The following OPA3 variants were observed in gnomAD, a reference collection of about 807,000 sequenced individuals.
OPA3 encodes the protein outer mitochondrial membrane lipid metabolism regulator OPA3, also known as optic atrophy 3 protein.
In OPA3, 6 loss-of-function variants were observed where a neutral mutation model predicts 4.0. The observed-to-expected ratio is 1.51, with a 90% CI of 0.83 to 2.99. The LOEUF is 2.99. Ranked by LOEUF, OPA3 falls within the 30% of genes most tolerant of loss-of-function variation. OPA3 has a pLI of 0.00. For synonymous variants in OPA3, 105 were observed against 117.1 expected (o/e 0.90, Z 0.67); for missense variants, 235 against 256.2 (o/e 0.92, Z 0.56).
chr19:45,576,167 G>C (rs1380588592), intron 1 of OPA3, among the ~76,000 whole-genome samples: 1 of 152,040 alleles, frequency 6.6e-6, no homozygotes, highest in African/African-American at 2.4e-5. Flanking sequence ...AGGTTGCAGG[G>C]AGCTGAGATC....
chr19:45,538,722 C>CAA (rs3038837), intron 1 of OPA3, among the ~76,000 whole-genome samples: 20,229 of 105,654 alleles, frequency 0.19, 1,495 homozygotes, highest in African/African-American at 0.27. Flanking sequence ...GACTCCGTCT[C>CAA]AAAAAAAAAA....
chr19:45,572,728 TATC>T (rs1331703503), intron 1 of OPA3, among the ~76,000 whole-genome samples: 3 of 141,792 alleles, frequency 2.1e-5, no homozygotes, highest in Non-Finnish European at 4.5e-5. Context: ...TATACCTATA[TATC>T]ATACTATATA....
In OPA3 at chr19:45,548,008, C is replaced by T; in HGVS notation, c.*5506G>A. Reference sequence around the variant, plus strand: ...CACCACGCCTGGCCACTCTTTCCTTCTTTATTGCCGGTCTCTGGCACTAGA... The same window carrying T: ...CACCACGCCTGGCCACTCTTTCCTTTTTTATTGCCGGTCTCTGGCACTAGA... On this transcript the variant is annotated 3_prime_UTR_variant, in exon 2 of 2. Coordinates refer to ENST00000263275, the MANE Select transcript of OPA3 (RefSeq NM_025136.4). The T allele has an allele frequency of 1.5e-6, 1 of 648,268 alleles. No individual in the cohort carries two copies. The highest frequency in any genetic ancestry group is 6.8e-5 in the South Asian group (1 of 14,802). 40.2% of individuals were successfully genotyped at this position (648,268 alleles called of 1,614,324 possible). A position where few individuals can be genotyped will look rare whatever the true frequency, so the allele number is the denominator to read the frequency against.
chr19:45,540,618 C>T (rs1969175186), intron 1 of OPA3, among the ~76,000 whole-genome samples: 1 of 149,848 alleles, frequency 6.7e-6, no homozygotes, highest in Non-Finnish European at 1.5e-5. Flanking sequence ...CTAATCCCAG[C>T]ACTTTGGGAG....
rs960691055 is a variant in OPA3, at chr19:45,553,575, C to G, written c.479G>C (p.Arg160Pro). 6.2e-7 allele frequency: 1 copy of G among 1,612,940 alleles called. No individual in the cohort carries two copies. The highest frequency in any genetic ancestry group is 1.3e-5 in the African/African-American group (1 of 75,062). ...CCGGCCGGGATTGCAGAGCTGGGCG[C>G]GCACCTCTTGCAGCTCTGTGCGCAG... Reference protein sequence around the residue: ...EELRTELQEVRAQLCNPGRSA... With the variant: ...EELRTELQEVPAQLCNPGRSA... Residue 160 changes from arginine (R) to proline (P), a missense_variant, in exon 2 of 2, where the codon CGC becomes CCC. Arg to Pro is a moderately radical substitution (Grantham distance 103, BLOSUM62 -2). Transcript: ENST00000263275.
intron 1 of OPA3, among the ~76,000 whole-genome samples, chr19:45,572,207 A>C (rs1222694593): frequency 2.8e-5 from 4 of 144,730 alleles, no homozygotes; most frequent in Admixed American, 7.1e-5. Context: ...TGAGATATAT[A>C]TATATCTCTC....
At chr19:45,578,486 C>T (rs1600000332) in intron 1 of OPA3, among the ~76,000 whole-genome samples, 1 of 149,652 alleles carries the variant, frequency 6.7e-6, no homozygotes, top group South Asian at 2.1e-4. Context: ...GACCAATCAG[C>T]ACTCCTGGCT....
intron 1 of OPA3, among the ~76,000 whole-genome samples, chr19:45,565,329 A>G (rs1301174527): frequency 6.7e-6 from 1 of 148,464 alleles, no homozygotes; most frequent in Non-Finnish European, 1.5e-5. Flanking sequence ...TGCACGCATT[A>G]CATAATTTGA....
At chr19:45,577,740 G>C (rs1370823909) in intron 1 of OPA3, among the ~76,000 whole-genome samples, 1 of 152,190 alleles carries the variant, frequency 6.6e-6, no homozygotes, top group Non-Finnish European at 1.5e-5. Context: ...GGAGTCCCCT[G>C]AAGGGATGTC....
intron 1 of OPA3, among the ~76,000 whole-genome samples, chr19:45,581,726 G>A (rs919919020): frequency 6.6e-6 from 1 of 152,220 alleles, no homozygotes; most frequent in South Asian, 2.1e-4. Context: ...CCTAGACAGA[G>A]CTGATTCATC....
intron 1 of OPA3, among the ~76,000 whole-genome samples, chr19:45,583,950 TC>T (rs1969893304): frequency 1.3e-5 from 2 of 152,192 alleles, no homozygotes; most frequent in South Asian, 4.2e-4. Flanking sequence ...GGAGTATATC[TC>T]CCAGTGCTGA....
At chr19:45,540,920 G>A (rs1969179183) in intron 1 of OPA3, among the ~76,000 whole-genome samples, 1 of 152,146 alleles carries the variant, frequency 6.6e-6, no homozygotes, top group African/African-American at 2.4e-5. Flanking sequence ...TCTCTATGCT[G>A]GGCCCAAGTG....
chr19:45,574,313 C>T (rs913016802), intron 1 of OPA3, among the ~76,000 whole-genome samples: 2 of 147,698 alleles, frequency 1.4e-5, no homozygotes, highest in Non-Finnish European at 3.0e-5. Context: ...AGGAGAATGG[C>T]GTGAACCCGG....
chr19:45,576,362 C>T (rs1969767249), intron 1 of OPA3, among the ~76,000 whole-genome samples: 2 of 152,164 alleles, frequency 1.3e-5, no homozygotes, highest in Admixed American at 6.6e-5. Context: ...GAAACCCTAT[C>T]TCTACTAAAA....
downstream of OPA3, among the ~76,000 whole-genome samples, chr19:45,542,881 C>T (rs940044935): frequency 2.6e-4 from 39 of 151,958 alleles, no homozygotes; most frequent in African/African-American, 9.2e-4. Flanking sequence ...CCATGGTGGC[C>T]AGGATGGTCT....
intron 1 of OPA3, among the ~76,000 whole-genome samples, chr19:45,574,352 G>A (rs1157428309): frequency 2.0e-5 from 3 of 147,236 alleles, no homozygotes; most frequent in African/African-American, 2.5e-5. Context: ...AGCCAAAATC[G>A]TGCCACTGCA....
chr19:45,574,091 C>T (rs1969729886), intron 1 of OPA3, among the ~76,000 whole-genome samples: 1 of 147,476 alleles, frequency 6.8e-6, no homozygotes, highest in African/African-American at 2.5e-5. Context: ...AGTTAGACTC[C>T]ATCTCAAAAA....
chr19:45,564,252 G>A (rs1005995943), intron 1 of OPA3, among the ~76,000 whole-genome samples: 1 of 152,110 alleles, frequency 6.6e-6, no homozygotes, highest in African/African-American at 2.4e-5. Context: ...TGGCTGAGAG[G>A]TAACTGAGCC....
intron 1 of OPA3, among the ~76,000 whole-genome samples, chr19:45,529,644 C>T (rs550348091): frequency 6.6e-6 from 1 of 152,250 alleles, no homozygotes; most frequent in African/African-American, 2.4e-5. Context: ...GGAAAACTTC[C>T]TTAACTAATG....
Sources: gnomAD v4.1 joint callset for allele counts (sites outside exome capture counted in the v4.1 genomes callset) on GRCh38, gnomAD v4.1.1 for gene constraint, MANE v1.5 for transcripts, NCBI Gene and HGNC (gene_info 2026-07-23, HGNC 2026-07-21) for gene names.